The following FOXO3 variants were observed in gnomAD, a reference collection of about 807,000 sequenced individuals.
FOXO3 encodes forkhead box protein O3.
FOXO3 carries 4 observed loss-of-function variants against 41.9 expected under a neutral mutation model. The ratio of observed to expected loss-of-function variants is 0.10; its 90% confidence interval spans 0.05 to 0.22. The LOEUF is 0.22. Ranked by LOEUF, FOXO3 falls within the 10% of genes least tolerant of loss-of-function variation. The probability of loss-of-function intolerance (pLI) is 1.00; values close to 1 mark genes in which losing one functional copy is unlikely to be tolerated. For synonymous variants in FOXO3, 318 were observed against 389.3 expected (o/e 0.82, Z 2.16); for missense variants, 534 against 906.8 (o/e 0.59, Z 5.28).
intron 1 of FOXO3, among the ~76,000 whole-genome samples, chr6:108,570,060 C>T (rs1336821874): frequency 4.0e-5 from 5 of 124,820 alleles, no homozygotes; most frequent in Admixed American, 9.8e-5. Context: ...AGTGCAGTGG[C>T]GTGATCTTGG....
At chr6:108,674,921 T>A (rs1194658207) in intron 2 of FOXO3, among the ~76,000 whole-genome samples, 1 of 152,214 alleles carries the variant, frequency 6.6e-6, no homozygotes, top group Non-Finnish European at 1.5e-5. Flanking sequence ...GTGTACATAC[T>A]ATTATACGTG....
Position 108,570,935 on chromosome 6 carries a change from C to T in FOXO3, c.621+9106C>T, listed in dbSNP as rs542492574. Among the ~76,000 whole-genome samples the T allele has an allele frequency of 5.3e-5, 8 of 152,288 alleles. No homozygotes were observed. The South Asian group carries it at 1.7e-3, about 32-fold the overall frequency. Reference sequence around the variant, plus strand: ...GTCTTCTAAGACCCATGATTTACTTCCCACTCCTAGATCATTAAATGAGAG... The same window carrying T: ...GTCTTCTAAGACCCATGATTTACTTTCCACTCCTAGATCATTAAATGAGAG... On this transcript the variant is annotated intron_variant, in intron 1 of 2. Coordinates refer to ENST00000406360, the MANE Select transcript of FOXO3 (RefSeq NM_001455.4).
chr6:108,619,218 C>T (rs1221720817), intron 1 of FOXO3, among the ~76,000 whole-genome samples: 1 of 152,116 alleles, frequency 6.6e-6, no homozygotes, highest in African/African-American at 2.4e-5. Flanking sequence ...TCAGTGTAAC[C>T]GTGGGGGCAA....
At chr6:108,571,198 G>C (rs1776088926) in intron 1 of FOXO3, among the ~76,000 whole-genome samples, 1 of 152,200 alleles carries the variant, frequency 6.6e-6, no homozygotes, top group Non-Finnish European at 1.5e-5. Context: ...AGGTAAGAGA[G>C]AAAGGTAAGG....
rs1775767427 is a variant in FOXO3, at chr6:108,561,053, A to G, written c.-156A>G. On this transcript the variant is annotated 5_prime_UTR_variant, in exon 1 of 3. Coordinates refer to ENST00000406360, the MANE Select transcript of FOXO3 (RefSeq NM_001455.4). The stretch of plus-strand genomic sequence containing the variant: ...ACGGGGCTCCGGCCCGGGATAACCA[A>G]CTCTCCTTCTCTCTTCTTTGGTGCT... 5 of 1,407,098 alleles carry G rather than the reference A, an allele frequency of 3.6e-6. No individual in the cohort carries two copies. The highest frequency in any genetic ancestry group is 3.1e-5 in the South Asian group (2 of 65,516). 87.2% of individuals were successfully genotyped at this position (1,407,098 alleles called of 1,614,324 possible).
chr6:108,587,716 C>T (rs1221510035), intron 1 of FOXO3, among the ~76,000 whole-genome samples: 2 of 152,142 alleles, frequency 1.3e-5, no homozygotes, highest in Admixed American at 6.5e-5. Context: ...TCATCAGAAA[C>T]CCTTGGCAAA....
intron 1 of FOXO3, among the ~76,000 whole-genome samples, chr6:108,608,953 G>C (rs1777282323): frequency 6.6e-6 from 1 of 152,190 alleles, no homozygotes; most frequent in South Asian, 2.1e-4. Context: ...TATAGAACTT[G>C]TTTCCTTTTG....
intron 1 of FOXO3, among the ~76,000 whole-genome samples, chr6:108,597,005 G>A (rs1776904927): frequency 6.6e-6 from 1 of 152,132 alleles, no homozygotes. Flanking sequence ...TCTGAAGTGT[G>A]GATGGTATCT....
intron 1 of FOXO3, among the ~76,000 whole-genome samples, chr6:108,609,430 T>C (rs2764262): frequency 0.98 from 149,184 of 152,292 alleles, 73,144 homozygotes; most frequent in East Asian, 1. Flanking sequence ...GGTTTAGATG[T>C]TTAGTATCTG....
At chr6:108,622,932 A>G (rs1400353477) in intron 1 of FOXO3, among the ~76,000 whole-genome samples, 7 of 132,316 alleles carry the variant, frequency 5.3e-5, no homozygotes, top group Admixed American at 2.2e-4. Context: ...GGCCTTTTAG[A>G]AAAAAAAAAA....
At chr6:108,565,726 A>G (rs1582726250) in intron 1 of FOXO3, among the ~76,000 whole-genome samples, 1 of 152,350 alleles carries the variant, frequency 6.6e-6, no homozygotes, top group South Asian at 2.1e-4. Context: ...GCTTCTTGCC[A>G]AGATAAAAAG....
At chr6:108,672,559 C>G (rs1220712574) in intron 2 of FOXO3, among the ~76,000 whole-genome samples, 2 of 152,114 alleles carry the variant, frequency 1.3e-5, no homozygotes, top group Non-Finnish European at 2.9e-5. Flanking sequence ...TTTTAATAAC[C>G]TATTTTTTGC....
intron 1 of FOXO3, among the ~76,000 whole-genome samples, chr6:108,600,487 C>T (rs1777019249): frequency 7.8e-6 from 1 of 128,400 alleles, no homozygotes; most frequent in Admixed American, 1.0e-4. Flanking sequence ...GCAGAGATTG[C>T]AGTGAGCCAA....
chr6:108,653,121 A>C (rs1183097804), intron 1 of FOXO3, among the ~76,000 whole-genome samples: 3 of 152,214 alleles, frequency 2.0e-5, no homozygotes, highest in Non-Finnish European at 4.4e-5. Context: ...AGAACAACCT[A>C]GATGCTACTT....
chr6:108,674,799 G>C (rs192996470), intron 2 of FOXO3, among the ~76,000 whole-genome samples: 3 of 152,240 alleles, frequency 2.0e-5, no homozygotes, highest in Admixed American at 6.5e-5. Flanking sequence ...ACCAGCTAAG[G>C]GTTTTGGATA....
intron 1 of FOXO3, among the ~76,000 whole-genome samples, chr6:108,640,108 G>T (rs1037080570): frequency 2.0e-5 from 3 of 152,218 alleles, no homozygotes; most frequent in Non-Finnish European, 4.4e-5. Flanking sequence ...AGCCAGTCTT[G>T]CTGCAGGTAG....
intron 1 of FOXO3, among the ~76,000 whole-genome samples, chr6:108,638,837 G>A (rs189439262): frequency 8.5e-5 from 13 of 152,334 alleles, no homozygotes; most frequent in African/African-American, 3.1e-4. Flanking sequence ...TAGAGGTCTA[G>A]ATTCTTTGGA....
chr6:108,672,873 G>A (rs1292531026), intron 2 of FOXO3, among the ~76,000 whole-genome samples: 1 of 151,556 alleles, frequency 6.6e-6, no homozygotes, highest in African/African-American at 2.4e-5. Context: ...TTTTAAATGT[G>A]TTTCTGTTTG....
intron 1 of FOXO3, among the ~76,000 whole-genome samples, chr6:108,644,198 G>T (rs752657317): frequency 1.3e-5 from 2 of 152,188 alleles, no homozygotes; most frequent in Non-Finnish European, 2.9e-5. Context: ...TCTCATCCAT[G>T]TGGTCTTGGG....
Sources: allele counts gnomAD v4.1 joint callset (sites outside exome capture counted in the v4.1 genomes callset), GRCh38; gene constraint gnomAD v4.1.1; transcripts MANE v1.5; gene names NCBI Gene and HGNC (gene_info 2026-07-23, HGNC 2026-07-21).